Variants in RUNX3 observed in about 807,000 individuals in gnomAD.
The protein encoded by RUNX3 is runt-related transcription factor 3.
A neutral mutation model predicts 27.7 loss-of-function variants in RUNX3; 10 were observed. The observed-to-expected ratio is 0.36, with a 90% confidence interval of 0.22 to 0.61. RUNX3 has a LOEUF of 0.61. Ranked by LOEUF, RUNX3 falls within the 20% of genes least tolerant of loss-of-function variation. The probability of loss-of-function intolerance (pLI) is 0.72; values close to 1 mark genes in which losing one functional copy is unlikely to be tolerated. For synonymous variants in RUNX3, 270 were observed against 269.2 expected (o/e 1.00, Z -0.03); for missense variants, 469 against 629.5 (o/e 0.75, Z 2.73).
chr1:24,934,604 T>C (rs967640151), upstream of RUNX3, among the ~76,000 whole-genome samples: 3 of 152,208 alleles, frequency 2.0e-5, no homozygotes, highest in Admixed American at 6.5e-5. Flanking sequence ...TTGCTCATGG[T>C]ATTCAATCCC....
Position 24,964,309 on chromosome 1 carries a change from C to T in RUNX3, c.58+205G>A, listed in dbSNP as rs139912287. 3.1e-3 allele frequency among the ~76,000 whole-genome samples: 478 copies of T among 152,340 alleles called. 1 individual carries two copies. The highest frequency in any genetic ancestry group is 0.01 in the African/African-American group (419 of 41,560). ...CCCCACGGCTTACTGTCCCCACCAG[C>T]GGAGGATGAAAGTGCCACAGCGATG... is the stretch of plus-strand genomic sequence containing the variant. On this transcript the variant is annotated intron_variant, in intron 2 of 6. Coordinates refer to the RUNX3 transcript ENST00000338888.
intron 2 of RUNX3, among the ~76,000 whole-genome samples, chr1:24,925,092 T>A (rs1261484982): frequency 6.6e-6 from 1 of 152,228 alleles, no homozygotes; most frequent in African/African-American, 2.4e-5. Flanking sequence ...AGGCAAGGGT[T>A]CTGGGTCCCA....
intron 2 of RUNX3, among the ~76,000 whole-genome samples, chr1:24,958,471 C>T (rs541433140): frequency 7.9e-5 from 12 of 152,318 alleles, no homozygotes; most frequent in East Asian, 1.9e-4. Context: ...TCTCTGCCTC[C>T]GGGCTCTGAT....
At chr1:24,910,000 T>C (rs1245043058) in intron 3 of RUNX3, among the ~76,000 whole-genome samples, 2 of 152,142 alleles carry the variant, frequency 1.3e-5, no homozygotes, top group Non-Finnish European at 2.9e-5. Context: ...TTAGAAAAGA[T>C]GGAGGCTAGG....
intron 2 of RUNX3, among the ~76,000 whole-genome samples, chr1:24,921,809 G>A (rs570190370): frequency 7.3e-4 from 111 of 152,292 alleles, no homozygotes; most frequent in African/African-American, 2.2e-3. Context: ...CTGGAGACAC[G>A]GAGGACTAAT....
At position 24,904,794 on chromosome 1, in the gene RUNX3, G is replaced by C. The variant is rs989623749; in HGVS notation, c.704-2128C>G. ...AGGGCCACCACCCCTCCTCCGGGGT[G>C]GTGGGGGAAGTACCTGCCCTCAGCA... On this transcript the variant is annotated intron_variant, in intron 4 of 4. Transcript: ENST00000308873. The surrounding 1 kb of genome is among the most constrained non-coding windows in gnomAD (Gnocchi z 5.7). 6.6e-6 allele frequency among the ~76,000 whole-genome samples: 1 copy of C among 152,024 alleles called. No individual in the cohort carries two copies. The highest frequency in any genetic ancestry group is 1.5e-5 in the Non-Finnish European group (1 of 67,958).
At chr1:24,932,451 G>C (rs1186059394), upstream of RUNX3, among the ~76,000 whole-genome samples, 6 of 152,070 alleles carry the variant, frequency 3.9e-5, no homozygotes, top group Non-Finnish European at 7.4e-5. Context: ...GGAGGTGCGG[G>C]CCCGGCCGGG....
At chr1:24,941,431 T>A (rs4649038) in intron 2 of RUNX3, among the ~76,000 whole-genome samples, 2 of 152,162 alleles carry the variant, frequency 1.3e-5, no homozygotes, top group East Asian at 1.9e-4. Context: ...TCACACATGC[T>A]GTTGAATCCC....
rs924129283 is a variant in RUNX3 at position 24,904,570 on chromosome 1, G to A, written c.704-1904C>T. Among the ~76,000 whole-genome samples, 17 of 152,208 alleles carry A rather than the reference G, an allele frequency of 1.1e-4. No homozygotes were observed. Among genetic ancestry groups the A allele is most frequent in the African/African-American group, 4.1e-4 (17 of 41,454 alleles). ...GGAGAGGTCCTGTTGCAGGTGCTGG[G>A]CACGTCAGCACAGCTGAGATGGGTG... On this transcript the variant is annotated intron_variant, in intron 4 of 4. Coordinates refer to ENST00000308873, the MANE Select transcript of RUNX3 (RefSeq NM_004350.3). This position sits in a 1 kb window ranked among gnomAD's most constrained non-coding sequence, Gnocchi z 5.7.
chr1:24,902,979 G>A lies in RUNX3; in HGVS notation c.704-313C>T, dbSNP rs1640592446. On this transcript the variant is annotated intron_variant, in intron 4 of 4. Coordinates refer to ENST00000308873, the MANE Select transcript of RUNX3 (RefSeq NM_004350.3). The surrounding 1 kb of genome is among the most constrained non-coding windows in gnomAD (Gnocchi z 9.2). ...CTCCTTCCCAGCCTCGCAGAGGAGAGGCCTAGGATGCGGTGGTGGGGCTGA... is the reference window on the plus strand; with the variant it reads ...CTCCTTCCCAGCCTCGCAGAGGAGAAGCCTAGGATGCGGTGGTGGGGCTGA... Among the ~76,000 whole-genome samples, 2 of 152,208 alleles carry A rather than the reference G, an allele frequency of 1.3e-5. No homozygotes were observed. Among genetic ancestry groups the A allele is most frequent in the Admixed American group, 1.3e-4 (2 of 15,292 alleles).
intron 3 of RUNX3, among the ~76,000 whole-genome samples, chr1:24,911,473 C>T (rs1300567113): frequency 2.0e-5 from 3 of 152,216 alleles, no homozygotes; most frequent in Non-Finnish European, 4.4e-5. Context: ...TTCCCCCACC[C>T]CGAGCTGCGG....
At chr1:24,929,491 C>T (rs75012901) in intron 1 of RUNX3, 96 bp downstream of exon 1, 32,091 of 1,260,250 alleles carry the variant, frequency 0.025, 526 homozygotes, top group Non-Finnish European at 0.031. Flanking sequence ...GTCTCGGGCA[C>T]CTCCCATCCC....
chr1:24,908,065 C>CGGTGATCCGAACCTCTACGACACGT, intron 3 of RUNX3, among the ~76,000 whole-genome samples: 1 of 151,736 alleles, frequency 6.6e-6, no homozygotes, highest in Non-Finnish European at 1.5e-5. Flanking sequence ...CTACGACACA[C>CGGTGATCCGAACCTCTACGACACGT]GGTGATCCGA....
intron 4 of RUNX3, 61 bp downstream of exon 4, chr1:24,907,198 A>G: frequency 6.5e-7 from 1 of 1,542,400 alleles, no homozygotes; most frequent in Non-Finnish European, 8.8e-7. Flanking sequence ...GGCAGATTGG[A>G]CCACATCGAG....
At chr1:24,912,311 A>G (rs1013722859) in intron 3 of RUNX3, among the ~76,000 whole-genome samples, 4 of 152,134 alleles carry the variant, frequency 2.6e-5, no homozygotes, top group African/African-American at 9.7e-5. Flanking sequence ...CCAGAAAGAA[A>G]AGAAGGCAGG....
chr1:24,940,273 C>T (rs2124335267), intron 2 of RUNX3, among the ~76,000 whole-genome samples: 1 of 152,274 alleles, frequency 6.6e-6, no homozygotes, highest in South Asian at 2.1e-4. Flanking sequence ...GGGGCCGGAC[C>T]AGATACTAGT....
chr1:24,963,011 A>T (rs973588963), intron 2 of RUNX3: 1 of 152,186 alleles, frequency 6.6e-6, no homozygotes, highest in African/African-American at 2.4e-5. Context: ...TACAAAGGGA[A>T]CAACGTTATA....
chr1:24,948,983 G>A (rs918923563), intron 2 of RUNX3, among the ~76,000 whole-genome samples: 2 of 151,852 alleles, frequency 1.3e-5, no homozygotes, highest in Non-Finnish European at 2.9e-5. Context: ...AATAATATGA[G>A]CACAATGAAA....
chr1:24,903,580 C>T lies in RUNX3; in HGVS notation c.704-914G>A, dbSNP rs977453225. Among the ~76,000 whole-genome samples, 3 of 152,214 alleles carry T rather than the reference C, an allele frequency of 2.0e-5. No homozygotes were observed. The East Asian group carries it at 5.8e-4, about 29-fold the overall frequency. ...TTTTGTCATCACAGACCCCCAAAAC[C>T]TCAGCATTCAAAGGGGCTCAGGGAT... On this transcript the variant is annotated intron_variant, in intron 4 of 4. Coordinates refer to ENST00000308873, the MANE Select transcript of RUNX3 (RefSeq NM_004350.3).
Sources: gnomAD v4.1 joint callset for allele counts (sites outside exome capture counted in the v4.1 genomes callset) on GRCh38, gnomAD v4.1.1 for gene constraint, Gnocchi (gnomAD v3.1) non-coding constraint, MANE v1.5 for transcripts, NCBI Gene and HGNC (gene_info 2026-07-23, HGNC 2026-07-21) for gene names.